Variants in SRFBP1 observed in about 807,000 individuals in gnomAD.
SRFBP1 encodes the protein serum response factor-binding protein 1.
A neutral mutation model predicts 45.5 loss-of-function variants in SRFBP1; 47 were observed. The observed-to-expected ratio is 1.03, with a 90% CI of 0.82 to 1.32. SRFBP1 has a LOEUF of 1.32. Among genes scored for constraint, SRFBP1 ranks in the 40% most tolerant of loss-of-function variants. The pLI is 0.00. For missense variants in SRFBP1, 621 were observed against 484.6 expected, an observed-to-expected ratio of 1.28 and a Z score of -2.64; for synonymous variants, 203 against 166.3, an observed-to-expected ratio of 1.22 and a Z score of -1.70.
At chr5:122,015,204 C>G (rs1042910923) in intron 4 of SRFBP1, among the ~76,000 whole-genome samples, 3 of 152,140 alleles carry the variant, frequency 2.0e-5, no homozygotes, top group African/African-American at 7.2e-5. Flanking sequence ...TACCAACCTT[C>G]TGTAATTAAT....
chr5:122,037,399 G>A (rs1402787482), intron 2 of SRFBP1, among the ~76,000 whole-genome samples: 2 of 152,206 alleles, frequency 1.3e-5, no homozygotes, highest in South Asian at 2.1e-4. Flanking sequence ...TAGCTTGCAG[G>A]TAGGGTAAAC....
intron 3 of SRFBP1, among the ~76,000 whole-genome samples, chr5:121,991,864 C>T (rs756888779): frequency 3.9e-5 from 6 of 151,962 alleles, no homozygotes; most frequent in African/African-American, 1.5e-4. Flanking sequence ...AGGTAATAAA[C>T]GAGTTGGTCC....
Position 121,983,373 on chromosome 5 carries a change from G to A in SRFBP1, c.198+7986G>A, listed in dbSNP as rs770120483. Among the ~76,000 whole-genome samples the A allele has an allele frequency of 9.0e-4, 136 of 151,656 alleles. 1 individual carries two copies. The highest frequency in any genetic ancestry group is 1.7e-3 in the Non-Finnish European group (113 of 67,694). On this transcript the variant is annotated intron_variant, in intron 3 of 7. Transcript: ENST00000339397. ...TGTCATTTTCTCTGTCTACCTCTTT[G>A]TACCTGACAGAAGTGAGTAATTTTA...
rs201962460 is a variant in SRFBP1 at position 122,027,031 on chromosome 5, C to G, written c.1195C>G (p.Pro399Ala). The G allele has an allele frequency of 6.8e-6, 11 of 1,612,600 alleles. No individual in the cohort carries two copies. The African/African-American group carries it at 1.5e-4, about 22-fold the overall frequency. Reference protein sequence around the residue: ...LENTKQQLQLPLHPSWEASRR... With the variant: ...LENTKQQLQLALHPSWEASRR... ...AAATACAAAACAGCAATTGCAGCTG[C>G]CTCTTCATCCTTCATGGGAAGCAAG... Residue 399 changes from proline (P) to alanine (A), a missense_variant, in exon 8 of 8, where the codon CCT becomes GCT. Pro to Ala is a conservative substitution (Grantham distance 27, BLOSUM62 -1). Transcript: ENST00000339397.
intron 1 of SRFBP1, among the ~76,000 whole-genome samples, chr5:121,965,622 A>G (rs1752047193): frequency 6.6e-6 from 1 of 152,140 alleles, no homozygotes; most frequent in Non-Finnish European, 1.5e-5. Context: ...GTCAGGTAGC[A>G]TGATGCCTCC....
At chr5:122,052,964 G>T (rs988308554) in intron 2 of SRFBP1, among the ~76,000 whole-genome samples, 1 of 151,910 alleles carries the variant, frequency 6.6e-6, no homozygotes, top group African/African-American at 2.4e-5. Context: ...TGTGGTATAA[G>T]GTGGGTTTGG....
At chr5:122,013,468 A>T (rs1304580167) in intron 4 of SRFBP1, among the ~76,000 whole-genome samples, 1 of 152,146 alleles carries the variant, frequency 6.6e-6, no homozygotes, top group African/African-American at 2.4e-5. Context: ...TGACTCATGA[A>T]AATTTTAAAT....
In SRFBP1 at chr5:122,060,215, G is replaced by A. The variant is rs560697513; in HGVS notation, n.312-15100G>A. 7.9e-5 allele frequency among the ~76,000 whole-genome samples: 12 copies of A among 152,168 alleles called. No homozygotes were observed. The South Asian group carries it at 2.5e-3, about 32-fold the overall frequency. ...GTCAGGCCTTAGATACTATGAATAA[G>A]GGGGTTCTTAACAGAAATCAGGTAG... On this transcript the variant is annotated intron_variant and non_coding_transcript_variant, in intron 2 of 2. Coordinates refer to the SRFBP1 transcript ENST00000504881.
chr5:121,964,868 T>A (rs1752030017), intron 1 of SRFBP1, among the ~76,000 whole-genome samples: 1 of 152,190 alleles, frequency 6.6e-6, no homozygotes, highest in Non-Finnish European at 1.5e-5. Context: ...TTTCCTGACT[T>A]TTTAATGATC....
At position 121,962,000 on chromosome 5, in the gene SRFBP1, C is replaced by A. The variant is rs781764358; in HGVS notation, c.-33C>A. On this transcript the variant is annotated 5_prime_UTR_variant, in exon 1 of 8. Coordinates refer to ENST00000339397, the MANE Select transcript of SRFBP1 (RefSeq NM_152546.3). The stretch of plus-strand genomic sequence containing the variant: ...GCGGTCTGAGAGACCGGTTCACGTG[C>A]AGGCAGCGGCGGATCATATTCCTTC... 3.1e-6 allele frequency: 5 copies of A among 1,613,356 alleles called. No individual in the cohort carries two copies. The African/African-American group carries it at 4.0e-5, about 13-fold the overall frequency.
At chr5:122,070,681 T>C (rs1291321516) in intron 2 of SRFBP1, 5 of 651,514 alleles carry the variant, frequency 7.7e-6, no homozygotes, top group Non-Finnish European at 1.3e-5. Context: ...AATTTTAAGT[T>C]AGTACTTACA....
chr5:122,019,011 C>T (rs1419025589), intron 4 of SRFBP1, among the ~76,000 whole-genome samples: 41 of 152,064 alleles, frequency 2.7e-4, no homozygotes, highest in South Asian at 2.1e-4. Context: ...TATTAAGTAT[C>T]GTATCCAAAG....
intron 2 of SRFBP1, among the ~76,000 whole-genome samples, chr5:122,068,386 AC>A (rs1036080434): frequency 2.0e-5 from 3 of 152,142 alleles, no homozygotes; most frequent in African/African-American, 7.2e-5. Flanking sequence ...AGTCAGTAAG[AC>A]ATAGTTGGGA....
At chr5:122,030,188 A>C (rs968160901), downstream of SRFBP1, among the ~76,000 whole-genome samples, 1 of 152,224 alleles carries the variant, frequency 6.6e-6, no homozygotes, top group African/African-American at 2.4e-5. Context: ...AAACTGTCCA[A>C]ACTATCAGAA....
At chr5:121,997,753 C>T (rs1359803588) in intron 4 of SRFBP1, among the ~76,000 whole-genome samples, 8 of 151,500 alleles carry the variant, frequency 5.3e-5, no homozygotes, top group Non-Finnish European at 7.4e-5. Flanking sequence ...AGAAAATTTT[C>T]GCAACCTACT....
chr5:121,991,788 T>C (rs1221446136), intron 3 of SRFBP1, among the ~76,000 whole-genome samples: 1 of 152,164 alleles, frequency 6.6e-6, no homozygotes, highest in Non-Finnish European at 1.5e-5. Flanking sequence ...TTTTACATTT[T>C]ATATGAACCA....
Position 122,020,092 on chromosome 5 carries a change from T to A in SRFBP1, c.357T>A (p.Ala119=). 4 of 1,545,642 alleles carry A rather than the reference T, an allele frequency of 2.6e-6. No individual in the cohort carries two copies. Among genetic ancestry groups the A allele is most frequent in the Non-Finnish European group, 3.5e-6 (4 of 1,150,210 alleles). Residue 119 remains alanine (A), a synonymous_variant, in exon 6 of 8, where the codon GCT becomes GCA. Coordinates refer to ENST00000339397, the MANE Select transcript of SRFBP1 (RefSeq NM_152546.3). ...LKKKIDVLKA[A]VQAFKEARQN... Reference sequence around the variant, plus strand: ...GATGCACTGTTTCTCTTGCAGCTGCTGTACAAGCCTTTAAAGAAGCAAGAC... The same window carrying A: ...GATGCACTGTTTCTCTTGCAGCTGCAGTACAAGCCTTTAAAGAAGCAAGAC...
intron 2 of SRFBP1, chr5:122,065,836 T>C (rs1046285286): frequency 6.6e-6 from 1 of 152,080 alleles, no homozygotes; most frequent in African/African-American, 2.4e-5. Context: ...GAAAATTGTA[T>C]CTTTGGCAAA....
At chr5:121,998,367 G>A (rs1263869342) in intron 4 of SRFBP1, among the ~76,000 whole-genome samples, 4 of 147,426 alleles carry the variant, frequency 2.7e-5, no homozygotes, top group Non-Finnish European at 6.0e-5. Flanking sequence ...CCTTTGTAGG[G>A]ACATGGATGA....
Sources: gnomAD v4.1 joint callset for allele counts (sites outside exome capture counted in the v4.1 genomes callset) on GRCh38, gnomAD v4.1.1 for gene constraint, MANE v1.5 for transcripts, NCBI Gene and HGNC (gene_info 2026-07-23, HGNC 2026-07-21) for gene names.